TMTC1: variants seen among roughly 807,000 people sequenced by gnomAD.
TMTC1 encodes the protein protein O-mannosyl-transferase TMTC1.
Under a neutral mutation model 104.8 loss-of-function variants are expected in TMTC1, and 73 were observed. The ratio of observed to expected loss-of-function variants is 0.70; its 90% CI spans 0.58 to 0.85. The LOEUF is 0.85. Ranked by LOEUF, TMTC1 falls within the 40% of genes least tolerant of loss-of-function variation. The pLI is 0.00. For synonymous variants in TMTC1, 434 were observed against 428.7 expected, an observed-to-expected ratio of 1.01 and a Z score of -0.15; for missense variants, 1,035 against 1,096.1, an observed-to-expected ratio of 0.94 and a Z score of 0.79.
intron 10 of TMTC1, among the ~76,000 whole-genome samples, chr12:29,547,271 C>T (rs1478720780): frequency 2.0e-5 from 3 of 152,160 alleles, no homozygotes; most frequent in Admixed American, 6.6e-5. Context: ...TTCAGGTCTC[C>T]GCGGTGTTTA....
At chr12:29,647,417 T>C (rs1939315886) in intron 5 of TMTC1, among the ~76,000 whole-genome samples, 1 of 152,198 alleles carries the variant, frequency 6.6e-6, no homozygotes, top group Non-Finnish European at 1.5e-5. Flanking sequence ...CAGCTCTCTT[T>C]AAACACACAA....
chr12:29,783,871 G>A lies in TMTC1; in HGVS notation c.-120C>T. On this transcript the variant is annotated 5_prime_UTR_variant, in exon 1 of 18. Transcript: ENST00000539277. The surrounding 1 kb of genome is among the most constrained non-coding windows in gnomAD (Gnocchi z 4.7). Reference sequence around the variant, plus strand: ...GGGGCTCGGGCATGGTGCTGCGGCAGCTGGACCCGCCGCGAGCTCCCCGCG... The same window carrying A: ...GGGGCTCGGGCATGGTGCTGCGGCAACTGGACCCGCCGCGAGCTCCCCGCG... The A allele has an allele frequency of 3.1e-6, 3 of 964,082 alleles. No homozygotes were observed. In the South Asian group the frequency reaches 1.5e-4, roughly 47 times the overall value. The allele number at this position is 964,082 out of a possible 1,614,324, so 59.7% of individuals were successfully genotyped here. A position where few individuals can be genotyped will look rare whatever the true frequency, so the allele number is the denominator to read the frequency against.
intron 10 of TMTC1, among the ~76,000 whole-genome samples, chr12:29,547,938 T>C (rs1006024765): frequency 6.6e-6 from 1 of 152,232 alleles, no homozygotes; most frequent in Non-Finnish European, 1.5e-5. Flanking sequence ...CAGTGTCATA[T>C]TCTTCACTGC....
intron 5 of TMTC1, among the ~76,000 whole-genome samples, chr12:29,698,007 T>C (rs969856244): frequency 3.9e-5 from 6 of 152,206 alleles, no homozygotes; most frequent in Non-Finnish European, 2.9e-5. Flanking sequence ...TACTCTTGTA[T>C]GATTATTCTT....
intron 5 of TMTC1, among the ~76,000 whole-genome samples, chr12:29,693,862 AG>A (rs2077524836): frequency 6.6e-6 from 1 of 152,226 alleles, no homozygotes; most frequent in South Asian, 2.1e-4. Context: ...ACAGCAGGTT[AG>A]ATGTTATAAT....
intron 15 of TMTC1, 69 bp from the exon 16 acceptor site, chr12:29,514,673 A>T: frequency 6.6e-7 from 1 of 1,517,262 alleles, no homozygotes; most frequent in Non-Finnish European, 8.9e-7. Context: ...TAACTGATCA[A>T]ATTTATACTT....
chr12:29,748,934 T>G (rs1943021596), intron 5 of TMTC1, among the ~76,000 whole-genome samples: 1 of 152,238 alleles, frequency 6.6e-6, no homozygotes, highest in Non-Finnish European at 1.5e-5. Context: ...TTTGCTTCAC[T>G]TTGCTATTAT....
chr12:29,597,041 C>G (rs370234785), intron 7 of TMTC1, among the ~76,000 whole-genome samples: 1 of 152,266 alleles, frequency 6.6e-6, no homozygotes, highest in African/African-American at 2.4e-5. Context: ...AGGCTAATAT[C>G]TAACCTGTTT....
At chr12:29,547,272 G>A (rs1179257034) in intron 10 of TMTC1, among the ~76,000 whole-genome samples, 7 of 152,166 alleles carry the variant, frequency 4.6e-5, no homozygotes, top group Non-Finnish European at 1.0e-4. Flanking sequence ...TCAGGTCTCC[G>A]CGGTGTTTAC....
At chr12:29,616,071 C>T (rs528467478) in intron 6 of TMTC1, among the ~76,000 whole-genome samples, 1 of 152,248 alleles carries the variant, frequency 6.6e-6, no homozygotes, top group South Asian at 2.1e-4. Flanking sequence ...TTTGGAAACT[C>T]ACAAGGCTTA....
intron 5 of TMTC1, among the ~76,000 whole-genome samples, chr12:29,657,703 A>G (rs1373050374): frequency 6.6e-6 from 1 of 152,236 alleles, no homozygotes; most frequent in Non-Finnish European, 1.5e-5. Flanking sequence ...AGAAGAAAAT[A>G]CTAGAAATAA....
In TMTC1 at chr12:29,783,221, G is replaced by A. The variant is rs552868437; in HGVS notation, c.302+229C>T. Among the ~76,000 whole-genome samples, 3 of 152,148 alleles carry A rather than the reference G, an allele frequency of 2.0e-5. No individual in the cohort carries two copies. The highest frequency in any genetic ancestry group is 4.4e-5 in the Non-Finnish European group (3 of 68,026). On this transcript the variant is annotated intron_variant, in intron 1 of 17. Transcript: ENST00000539277. The surrounding 1 kb of genome is among the most constrained non-coding windows in gnomAD (Gnocchi z 4.7). ...GAGAGGGCAGACAGTTGAGAAACTCGATCCCAACTCCCCAGCCGGCGCCTC... is the reference window on the plus strand; with the variant it reads ...GAGAGGGCAGACAGTTGAGAAACTCAATCCCAACTCCCCAGCCGGCGCCTC...
chr12:29,660,053 T>C (rs1488252781), intron 5 of TMTC1: 1 of 1,223,156 alleles, frequency 8.2e-7, no homozygotes, highest in African/African-American at 1.5e-5. Context: ...GTGCATTCTG[T>C]TCCTCTAACA....
chr12:29,572,096 GGC>G lies in TMTC1; in HGVS notation c.1532+7_1532+8del. The G allele has an allele frequency of 6.2e-7, 1 of 1,608,880 alleles. No homozygotes were observed. The highest frequency in any genetic ancestry group is 1.3e-5 in the African/African-American group (1 of 74,908). ...ACCAAGGCCAACACCCTCCCTGTGT[GGC>G]GCTTACTTGAGAGCTGTTCTGTAGT... is the stretch of plus-strand genomic sequence containing the variant. On this transcript the variant is annotated splice_region_variant and intron_variant, in intron 9 of 17. Coordinates refer to ENST00000539277, the MANE Select transcript of TMTC1 (RefSeq NM_001193451.2).
intron 5 of TMTC1, among the ~76,000 whole-genome samples, chr12:29,680,862 C>T (rs1009203759): frequency 6.6e-6 from 1 of 152,090 alleles, no homozygotes; most frequent in Non-Finnish European, 1.5e-5. Context: ...CTTTGGGAGG[C>T]CGAGGTGGGT....
chr12:29,555,336 A>T (rs1352552854), intron 10 of TMTC1, among the ~76,000 whole-genome samples: 1 of 151,176 alleles, frequency 6.6e-6, no homozygotes, highest in African/African-American at 2.4e-5. Flanking sequence ...TTATTTTTTT[A>T]AAATTATACT....
At chr12:29,747,496 C>T (rs971042869) in intron 5 of TMTC1, among the ~76,000 whole-genome samples, 10 of 152,146 alleles carry the variant, frequency 6.6e-5, no homozygotes, top group African/African-American at 2.2e-4. Context: ...TATTAGATAA[C>T]TTCTGAAAAC....
At chr12:29,629,574 C>T (rs747461489) in intron 6 of TMTC1, among the ~76,000 whole-genome samples, 5 of 152,150 alleles carry the variant, frequency 3.3e-5, no homozygotes, top group African/African-American at 1.2e-4. Context: ...CAGTCTCAGA[C>T]ATTTTGGGCT....
At chr12:29,559,170 G>A (rs541590391) in intron 9 of TMTC1, among the ~76,000 whole-genome samples, 1 of 152,212 alleles carries the variant, frequency 6.6e-6, no homozygotes, top group South Asian at 2.1e-4. Context: ...TTCTTAAGAC[G>A]TTCTCTTTTT....
Sources: gnomAD v4.1 joint callset for allele counts (sites outside exome capture counted in the v4.1 genomes callset) on GRCh38, gnomAD v4.1.1 for gene constraint, Gnocchi (gnomAD v3.1) non-coding constraint, MANE v1.5 for transcripts, NCBI Gene and HGNC (gene_info 2026-07-23, HGNC 2026-07-21) for gene names.